PCDH15: variants seen among roughly 807,000 people sequenced by gnomAD.
PCDH15 encodes the protein protocadherin-15.
In PCDH15, 129 loss-of-function variants were observed where a neutral mutation model predicts 178.5. That is an observed-to-expected ratio of 0.72 (90% CI 0.63 to 0.84). The LOEUF (loss-of-function observed/expected upper bound fraction) is 0.84, where lower values mean the gene tolerates loss of function less well. PCDH15 is among the 40% of genes least tolerant of loss of function. The pLI, the probability that PCDH15 is intolerant of heterozygous loss-of-function variation, is 0.00. For synonymous variants in PCDH15, 800 were observed against 732.0 expected (o/e 1.09, Z -1.50); for missense variants, 2,230 against 2,099.9 (o/e 1.06, Z -1.21).
At chr10:54,221,795 G>A (rs2052847921) in intron 9 of PCDH15, among the ~76,000 whole-genome samples, 1 of 152,020 alleles carries the variant, frequency 6.6e-6, no homozygotes, top group Non-Finnish European at 1.5e-5. Context: ...TAGAGACGGG[G>A]TTTCACCATG....
intron 5 of PCDH15, among the ~76,000 whole-genome samples, chr10:54,365,641 C>T (rs1323879233): frequency 1.3e-5 from 2 of 152,090 alleles, no homozygotes; most frequent in Admixed American, 6.6e-5. Context: ...CCTGCCATCA[C>T]TGTCGAGAAA....
chr10:54,574,344 G>A (rs1034118653), intron 2 of PCDH15, among the ~76,000 whole-genome samples: 16 of 149,342 alleles, frequency 1.1e-4, no homozygotes, highest in African/African-American at 2.5e-4. Context: ...GTAGATATGT[G>A]GCGTTATTTC....
intron 3 of PCDH15, among the ~76,000 whole-genome samples, chr10:54,842,844 A>G (rs1400581284): frequency 1.3e-5 from 2 of 151,944 alleles, no homozygotes; most frequent in Non-Finnish European, 2.9e-5. Flanking sequence ...TTTAATAGCA[A>G]GCAGCTTTCA....
intron 1 of PCDH15, among the ~76,000 whole-genome samples, chr10:55,213,034 C>T (rs1339944755): frequency 6.6e-6 from 1 of 152,032 alleles, no homozygotes; most frequent in East Asian, 1.9e-4. Context: ...TTCCTAATTC[C>T]TTCTGTTCAA....
intron 2 of PCDH15, among the ~76,000 whole-genome samples, chr10:55,082,527 C>A (rs1842067538): frequency 6.8e-6 from 1 of 147,704 alleles, no homozygotes; most frequent in South Asian, 2.1e-4. Flanking sequence ...CCAAACCAAA[C>A]CCAAAATTAG....
chr10:54,745,329 AAAG>A (rs138742483), intron 1 of PCDH15, among the ~76,000 whole-genome samples: 33,910 of 151,702 alleles, frequency 0.22, 4,112 homozygotes, highest in East Asian at 0.34. Flanking sequence ...AAAACTATTC[AAAG>A]AAAAGATTAA....
intron 3 of PCDH15, among the ~76,000 whole-genome samples, chr10:54,433,692 A>T (rs1455541874): frequency 6.6e-6 from 1 of 152,256 alleles, no homozygotes; most frequent in South Asian, 2.1e-4. Context: ...TAACTAAAAA[A>T]GTGTATTGGA....
At chr10:54,697,659 AGGGGAAGGGGGAAGG>A (rs1565970386) in intron 1 of PCDH15, among the ~76,000 whole-genome samples, 20 of 93,376 alleles carry the variant, frequency 2.1e-4, no homozygotes, top group South Asian at 4.2e-4. Context: ...GAAGGAAGGA[AGGGGAAGGGGGAAGG>A]GGAAGGGAGG....
chr10:54,998,199 G>A (rs1334336345), intron 2 of PCDH15, among the ~76,000 whole-genome samples: 2 of 151,986 alleles, frequency 1.3e-5, no homozygotes, highest in African/African-American at 2.4e-5. Flanking sequence ...AAAATAAAAT[G>A]AGTGGTTACT....
chr10:54,822,687 T>C (rs1343582207), intron 3 of PCDH15, among the ~76,000 whole-genome samples: 1 of 152,016 alleles, frequency 6.6e-6, no homozygotes, highest in East Asian at 1.9e-4. Flanking sequence ...TAATTCTATT[T>C]TTATTTTTTT....
At chr10:55,097,719 G>A (rs956084724) in intron 2 of PCDH15, among the ~76,000 whole-genome samples, 4 of 151,990 alleles carry the variant, frequency 2.6e-5, no homozygotes, top group African/African-American at 9.7e-5. Flanking sequence ...CAGATAGATA[G>A]ATAGATGGAT....
At chr10:55,616,528 A>AAC (rs1554806067) in intron 2 of PCDH15, among the ~76,000 whole-genome samples, 26 of 151,550 alleles carry the variant, frequency 1.7e-4, no homozygotes, top group Non-Finnish European at 2.9e-4. Context: ...GCAAAAAAAA[A>AAC]AAAAAGAGTA....
At chr10:54,729,455 C>T (rs1368121658) in intron 1 of PCDH15, among the ~76,000 whole-genome samples, 1 of 151,434 alleles carries the variant, frequency 6.6e-6, no homozygotes, top group African/African-American at 2.4e-5. Context: ...TATGAAAATT[C>T]TTGAAGAAAA....
At chr10:55,363,913 A>G (rs542384933) in intron 2 of PCDH15, among the ~76,000 whole-genome samples, 1 of 152,114 alleles carries the variant, frequency 6.6e-6, no homozygotes, top group South Asian at 2.1e-4. Flanking sequence ...CTGGGATTAT[A>G]AGCGTGAGCC....
At chr10:54,400,351 T>G (rs1951778973) in intron 3 of PCDH15, among the ~76,000 whole-genome samples, 1 of 152,122 alleles carries the variant, frequency 6.6e-6, no homozygotes. Flanking sequence ...GGATAAAATA[T>G]TTCTTTACCC....
At chr10:55,163,523 C>A (rs1839115882) in intron 2 of PCDH15, among the ~76,000 whole-genome samples, 1 of 151,924 alleles carries the variant, frequency 6.6e-6, no homozygotes, top group Non-Finnish European at 1.5e-5. Flanking sequence ...GGCTGCATAC[C>A]CAGGAGATTA....
At chr10:54,442,442 AT>A (rs2075873890) in intron 3 of PCDH15, among the ~76,000 whole-genome samples, 3 of 120,952 alleles carry the variant, frequency 2.5e-5, no homozygotes, top group African/African-American at 1.1e-4. Flanking sequence ...ATATATATAT[AT>A]ATATATATAT....
intron 2 of PCDH15, among the ~76,000 whole-genome samples, chr10:55,467,323 A>G (rs775405458): frequency 1.0e-4 from 15 of 150,556 alleles, no homozygotes; most frequent in Non-Finnish European, 1.6e-4. Context: ...ACTCACTCCC[A>G]TGAGAGGAAA....
chr10:54,250,605 T>A (rs917582662), intron 8 of PCDH15, among the ~76,000 whole-genome samples: 2 of 152,044 alleles, frequency 1.3e-5, no homozygotes, highest in African/African-American at 4.8e-5. Context: ...TAACACAGGT[T>A]TTCTCTAGTA....
Sources: gnomAD v4.1 joint callset for allele counts (sites outside exome capture counted in the v4.1 genomes callset) on GRCh38, gnomAD v4.1.1 for gene constraint, MANE v1.5 for transcripts, NCBI Gene and HGNC (gene_info 2026-07-23, HGNC 2026-07-21) for gene names.